The following FAAH2 variants were observed in gnomAD, a reference collection of about 807,000 sequenced individuals.
The protein encoded by FAAH2 is fatty acid amide hydrolase 2, also known as fatty-acid amide hydrolase 2.
In FAAH2, 60 loss-of-function variants were observed where a neutral mutation model predicts 36.9. The ratio of observed to expected loss-of-function variants is 1.63; its 90% CI spans 1.32 to 2.02. FAAH2 has a LOEUF of 2.02. Ranked by LOEUF, FAAH2 falls within the 30% of genes most tolerant of loss-of-function variation. FAAH2 has a pLI of 0.00. For synonymous variants in FAAH2, 214 were observed against 143.8 expected (o/e 1.49, Z -3.49); for missense variants, 689 against 397.5 (o/e 1.73, Z -6.23).
At chrX:57,131,894 A>G in the FAAH2 span, among the ~76,000 whole-genome samples, 4 of 112,250 alleles carry the variant, frequency 3.6e-5, no homozygotes, top group East Asian at 1.1e-3. Context: ...TAAGGAAAAG[A>G]GTTGGAGGAT....
intron 7 of FAAH2, among the ~76,000 whole-genome samples, chrX:57,418,532 G>C (rs1190159078): frequency 1.8e-5 from 2 of 110,674 alleles, no homozygotes; most frequent in African/African-American, 3.3e-5. Flanking sequence ...ACCCCACCCT[G>C]CTTTGGCTCA....
the FAAH2 span, among the ~76,000 whole-genome samples, chrX:57,133,855 T>TTG: frequency 8.9e-6 from 1 of 111,735 alleles, no homozygotes; most frequent in Non-Finnish European, 1.9e-5. Flanking sequence ...TAGGCTTGCC[T>TTG]TGTGTAATTC....
the FAAH2 span, among the ~76,000 whole-genome samples, chrX:57,142,287 T>G: frequency 8.9e-6 from 1 of 111,887 alleles, no homozygotes; most frequent in Non-Finnish European, 1.9e-5. Context: ...GTTCTGTAGG[T>G]TTTGGTATGT....
At chrX:57,431,747 G>A (rs953687308) in intron 7 of FAAH2, among the ~76,000 whole-genome samples, 171 bp from the exon 8 acceptor site, 1 of 81,932 alleles carries the variant, frequency 1.2e-5, no homozygotes, top group African/African-American at 4.4e-5. Context: ...ATTTTGGGGT[G>A]TTTTGTTTTG....
At chrX:57,259,034 T>C in the FAAH2 span, among the ~76,000 whole-genome samples, 2 of 110,808 alleles carry the variant, frequency 1.8e-5, no homozygotes, top group Non-Finnish European at 3.8e-5. Flanking sequence ...AAAATGCAAA[T>C]CTAAACTACA....
chrX:57,145,920 C>T, the FAAH2 span, among the ~76,000 whole-genome samples: 2 of 111,140 alleles, frequency 1.8e-5, no homozygotes, highest in Admixed American at 1.9e-4. Context: ...GGTCTATGTG[C>T]CTGTTTTTAT....
chrX:57,140,225 G>A, the FAAH2 span, among the ~76,000 whole-genome samples: 22 of 109,757 alleles, frequency 2.0e-4, no homozygotes, highest in East Asian at 8.5e-4. Context: ...GTTACAGTTC[G>A]TTTTTGGTGG....
the FAAH2 span, among the ~76,000 whole-genome samples, chrX:57,165,508 G>A: frequency 3.1e-4 from 34 of 109,399 alleles, no homozygotes; most frequent in Admixed American, 7.9e-4. Flanking sequence ...CATGGACACA[G>A]GAAGGGGAAT....
intron 7 of FAAH2, among the ~76,000 whole-genome samples, chrX:57,417,766 A>G (rs749892806): frequency 8.9e-6 from 1 of 111,987 alleles, no homozygotes; most frequent in Admixed American, 9.5e-5. Context: ...CTGTTCTGGG[A>G]GATCTGCTGC....
At chrX:57,323,411 G>A (rs1040251752) in intron 3 of FAAH2, among the ~76,000 whole-genome samples, 2 of 111,284 alleles carry the variant, frequency 1.8e-5, no homozygotes, top group Non-Finnish European at 3.8e-5. Flanking sequence ...ATCACCACAC[G>A]GACTTCCACA....
the FAAH2 span, among the ~76,000 whole-genome samples, chrX:57,244,905 A>G: frequency 1.8e-5 from 2 of 111,907 alleles, no homozygotes; most frequent in African/African-American, 6.5e-5. Context: ...TAAATGGGTT[A>G]AATGCCCCAG....
the FAAH2 span, among the ~76,000 whole-genome samples, chrX:57,226,816 C>T: frequency 9.0e-6 from 1 of 111,388 alleles, no homozygotes; most frequent in South Asian, 3.8e-4. Context: ...TTAACATAAT[C>T]CAAAACTTCT....
chrX:57,215,145 G>A, the FAAH2 span, among the ~76,000 whole-genome samples: 2 of 102,106 alleles, frequency 2.0e-5, no homozygotes, highest in Non-Finnish European at 4.0e-5. Context: ...CCATCAAAAA[G>A]TGGGGAAAGA....
the FAAH2 span, among the ~76,000 whole-genome samples, chrX:57,167,427 G>A: frequency 9.0e-6 from 1 of 111,551 alleles, no homozygotes; most frequent in African/African-American, 3.3e-5. Flanking sequence ...TGCACAATCT[G>A]TTGTAATTAT....
chrX:57,223,924 G>A, the FAAH2 span, among the ~76,000 whole-genome samples: 14 of 111,167 alleles, frequency 1.3e-4, no homozygotes, highest in Non-Finnish European at 2.3e-4. Flanking sequence ...CAATTCTCAG[G>A]CAAAGTTGAA....
chrX:57,267,797 A>T, the FAAH2 span, among the ~76,000 whole-genome samples: 10 of 112,553 alleles, frequency 8.9e-5, no homozygotes, highest in East Asian at 2.8e-3. Context: ...TCCACCTTAT[A>T]TCACAATCAA....
At chrX:57,198,369 C>A in the FAAH2 span, among the ~76,000 whole-genome samples, 1 of 111,747 alleles carries the variant, frequency 8.9e-6, no homozygotes, top group Non-Finnish European at 1.9e-5. Context: ...CTGGATGTTA[C>A]AGGCCTCACC....
Position 57,439,493 on chromosome X carries a change from T to C in FAAH2, c.1117-7435T>C, listed in dbSNP as rs762589122. Among the ~76,000 whole-genome samples the C allele has an allele frequency of 6.5e-3, 729 of 112,055 alleles. 4 individuals are homozygous for C. Among genetic ancestry groups the C allele is most frequent in the Non-Finnish European group, 0.012 (617 of 53,213 alleles). ...ATTTGTTGGAGTCCATTGTAGATTC[T>C]GGATATTAGCCCTTTGTCAGATGAG... On this transcript the variant is annotated intron_variant, in intron 8 of 10. Transcript: ENST00000374900.
At chrX:57,351,624 GA>G (rs1202303626) in intron 5 of FAAH2, among the ~76,000 whole-genome samples, 1 of 109,788 alleles carries the variant, frequency 9.1e-6, no homozygotes, top group East Asian at 2.9e-4. Flanking sequence ...AATAAACACT[GA>G]AATGACAAAG....
Sources: gnomAD v4.1 joint callset for allele counts (sites outside exome capture counted in the v4.1 genomes callset) on GRCh38, gnomAD v4.1.1 for gene constraint, MANE v1.5 for transcripts, NCBI Gene and HGNC (gene_info 2026-07-23, HGNC 2026-07-21) for gene names.